The following ZNF33B variants were observed in gnomAD, a reference collection of about 807,000 sequenced individuals.
The protein encoded by ZNF33B is zinc finger protein 33B, also known as zinc finger protein 11b (KOX 2).
Under a neutral mutation model 45.8 loss-of-function variants are expected in ZNF33B, and 29 were observed. The ratio of observed to expected loss-of-function variants is 0.63; its 90% confidence interval spans 0.47 to 0.86. The LOEUF (loss-of-function observed/expected upper bound fraction) is 0.86. Ranked by LOEUF, ZNF33B falls within the 40% of genes least tolerant of loss-of-function variation. The pLI, the probability that ZNF33B is intolerant of heterozygous loss-of-function variation, is 0.00. For missense variants in ZNF33B, 831 were observed against 909.9 expected (o/e 0.91, Z 1.12); for synonymous variants, 305 against 307.8 (o/e 0.99, Z 0.10).
chr10:42,594,005 A>G lies in ZNF33B; in HGVS notation c.945T>C (p.Cys315=), dbSNP rs143694622. ...ESGNNFRRKL[C]LSQLQKGDKG... ...TATCACCTTTCTGAAGCTGTGACAG[A>G]CACAATTTCCTCCTGAAATTATTCC... Residue 315 remains cysteine, a synonymous_variant, in exon 5 of 5, where the codon TGT becomes TGC. Transcript: ENST00000359467. The G allele has an allele frequency of 2.5e-6, 4 of 1,614,026 alleles. No individual in the cohort carries two copies. In the African/African-American group the frequency reaches 5.3e-5, roughly 22 times the overall value.
intron 4 of ZNF33B, among the ~76,000 whole-genome samples, chr10:42,615,497 GA>G (rs1164615928): frequency 1.3e-5 from 2 of 152,198 alleles, no homozygotes; most frequent in African/African-American, 2.4e-5. Context: ...CCATTTTTAT[GA>G]AACATCCAGA....
chr10:42,598,841 C>T (rs1368029473), intron 4 of ZNF33B, among the ~76,000 whole-genome samples: 1 of 152,188 alleles, frequency 6.6e-6, no homozygotes, highest in African/African-American at 2.4e-5. Context: ...CACTGGTCTA[C>T]AGCTTTCTTT....
intron 1 of ZNF33B, chr10:42,574,724 G>A (rs1013625788): frequency 6.6e-6 from 1 of 152,044 alleles, no homozygotes; most frequent in Non-Finnish European, 1.5e-5. Context: ...ATTATGCTGT[G>A]CACTTCACAC....
intron 1 of ZNF33B, chr10:42,582,008 C>G (rs1157672489): frequency 6.6e-6 from 1 of 152,282 alleles, no homozygotes; most frequent in African/African-American, 2.4e-5. Flanking sequence ...CCCAGCTACT[C>G]AGGAGGCTAA....
intron 4 of ZNF33B, among the ~76,000 whole-genome samples, chr10:42,596,253 T>C (rs1353697662): frequency 1.3e-5 from 2 of 151,954 alleles, no homozygotes; most frequent in Non-Finnish European, 2.9e-5. Context: ...CTGGGAAAAC[T>C]GTTCAGCAAC....
chr10:42,616,151 T>C (rs1838303928), intron 4 of ZNF33B, among the ~76,000 whole-genome samples: 2 of 151,916 alleles, frequency 1.3e-5, no homozygotes, highest in Admixed American at 6.6e-5. Flanking sequence ...AGAATTGGCT[T>C]GAATCCGGGA....
chr10:42,631,215 C>G (rs1653501879), intron 4 of ZNF33B, among the ~76,000 whole-genome samples: 1 of 151,194 alleles, frequency 6.6e-6, no homozygotes, highest in Non-Finnish European at 1.5e-5. Flanking sequence ...TATTTATTTA[C>G]TTATTTTTGA....
intron 4 of ZNF33B, among the ~76,000 whole-genome samples, chr10:42,620,403 ATTGAT>A (rs1239413356): frequency 1.3e-5 from 2 of 151,722 alleles, no homozygotes; most frequent in African/African-American, 2.4e-5. Flanking sequence ...AATGGATTTG[ATTGAT>A]TTATTTATTT....
chr10:42,581,491 T>C (rs993416024), intron 1 of ZNF33B: 11 of 128,392 alleles, frequency 8.6e-5, no homozygotes, highest in African/African-American at 3.4e-4. Context: ...AAAAAAAAAG[T>C]GTGTCCACGG....
chr10:42,585,842 C>T (rs575047661), downstream of ZNF33B, among the ~76,000 whole-genome samples: 36 of 152,190 alleles, frequency 2.4e-4, no homozygotes, highest in Admixed American at 7.9e-4. Flanking sequence ...AAGTGGTACC[C>T]ATGGATTACC....
At chr10:42,577,675 A>G (rs889607072) in intron 1 of ZNF33B, among the ~76,000 whole-genome samples, 4 of 152,216 alleles carry the variant, frequency 2.6e-5, no homozygotes, top group African/African-American at 9.6e-5. Flanking sequence ...CAGACTGCTT[A>G]CTATGTGCTG....
chr10:42,602,314 T>G (rs1448664689), intron 4 of ZNF33B, among the ~76,000 whole-genome samples: 3 of 152,052 alleles, frequency 2.0e-5, no homozygotes, highest in African/African-American at 7.2e-5. Flanking sequence ...TGATTTGTTT[T>G]TTTTTTTTTA....
chr10:42,614,858 G>A (rs1282914933), intron 4 of ZNF33B, among the ~76,000 whole-genome samples: 1 of 151,994 alleles, frequency 6.6e-6, no homozygotes, highest in Non-Finnish European at 1.5e-5. Context: ...GGAGGCTGAG[G>A]CAGAGAATTG....
chr10:42,624,308 A>G (rs209384), intron 4 of ZNF33B, among the ~76,000 whole-genome samples: 4,725 of 152,282 alleles, frequency 0.031, 208 homozygotes, highest in East Asian at 0.13. Context: ...ACAGTCTATA[A>G]CAGCATAATC....
chr10:42,611,258 T>C (rs1460495010), intron 4 of ZNF33B, among the ~76,000 whole-genome samples: 2 of 152,104 alleles, frequency 1.3e-5, no homozygotes, highest in Non-Finnish European at 2.9e-5. Flanking sequence ...GGAGAAATGC[T>C]TGAACCTGGG....
chr10:42,591,327 A>C lies in ZNF33B; in HGVS notation c.*1286T>G. ...ACGCTGAAGGCTGGAGTGTTCACAT[A>C]TGTACCCCAGGCAGTTCATGGCATG... On this transcript the variant is annotated 3_prime_UTR_variant, in exon 5 of 5. Transcript: ENST00000359467. 1 of 699,140 alleles carries C rather than the reference A, an allele frequency of 1.4e-6. No homozygotes were observed. Among genetic ancestry groups the C allele is most frequent in the Non-Finnish European group, 1.8e-6 (1 of 569,166 alleles). 43.3% of individuals were successfully genotyped at this position (699,140 alleles called of 1,614,324 possible).
rs554531152 is a variant in ZNF33B at position 42,627,834 on chromosome 10, A to G, written c.250+4095T>C. On this transcript the variant is annotated intron_variant, in intron 4 of 4. Coordinates refer to ENST00000359467, the MANE Select transcript of ZNF33B (RefSeq NM_006955.3). ...TTTCTAAATTATTATATATTTCCCT[A>G]TTGTCATTCTATTACTGATTTGTAG... 6.1e-5 allele frequency among the ~76,000 whole-genome samples: 8 copies of G among 132,066 alleles called. No homozygotes were observed. In the South Asian group the frequency reaches 1.3e-3, roughly 21 times the overall value. 86.6% of individuals were successfully genotyped at this position (132,066 alleles called of 152,430 possible).
At chr10:42,623,144 G>A (rs2504025) in intron 4 of ZNF33B, among the ~76,000 whole-genome samples, 41,393 of 152,118 alleles carry the variant, frequency 0.27, 6,848 homozygotes, top group Non-Finnish European at 0.38. Flanking sequence ...GCATGCGCCT[G>A]TAGTCCCAGC....
rs373266319 is a variant in ZNF33B, at chr10:42,593,834, G to A, written c.1116C>T (p.Leu372=). The A allele has an allele frequency of 8.0e-5, 129 of 1,614,080 alleles. No individual in the cohort carries two copies. Among genetic ancestry groups the A allele is most frequent in the Non-Finnish European group, 1.0e-4 (123 of 1,179,978 alleles). ...CGKTFWEKSN[L]TKHQRSHTGE... is the part of the protein sequence containing the mutation. ...CTGTGTGTGATCTCTGATGTTTAGTGAGGTTTGACTTCTCCCAGAAAGTTT... is the reference window on the plus strand; with the variant it reads ...CTGTGTGTGATCTCTGATGTTTAGTAAGGTTTGACTTCTCCCAGAAAGTTT... The change falls in exon 5 of 5, where the codon CTC becomes CTT. Residue 372 remains leucine (L), a synonymous_variant. Coordinates refer to ENST00000359467, the MANE Select transcript of ZNF33B (RefSeq NM_006955.3).
Sources: gnomAD v4.1 joint callset for allele counts (sites outside exome capture counted in the v4.1 genomes callset) on GRCh38, gnomAD v4.1.1 for gene constraint, MANE v1.5 for transcripts, NCBI Gene and HGNC (gene_info 2026-07-23, HGNC 2026-07-21) for gene names.